Variants in ROBO2 observed in about 807,000 individuals in gnomAD.
ROBO2 encodes roundabout homolog 2.
ROBO2 carries 53 observed loss-of-function variants against 160.8 expected under a neutral mutation model. The ratio of observed to expected loss-of-function variants is 0.33; its 90% confidence interval spans 0.26 to 0.41. The LOEUF is 0.41. Ranked by LOEUF, ROBO2 falls within the 10% of genes least tolerant of loss-of-function variation. The pLI, the probability that ROBO2 is intolerant of heterozygous loss-of-function variation, is 1.00. For synonymous variants in ROBO2, 664 were observed against 611.7 expected (o/e 1.09, Z -1.26); for missense variants, 1,577 against 1,722.4 (o/e 0.92, Z 1.49).
At chr3:76,286,682 G>A (rs1453932461) in intron 2 of ROBO2, among the ~76,000 whole-genome samples, 1 of 152,122 alleles carries the variant, frequency 6.6e-6, no homozygotes, top group Non-Finnish European at 1.5e-5. Context: ...TATGTCTTGG[G>A]TGTTGTTTTG....
intron 2 of ROBO2, among the ~76,000 whole-genome samples, chr3:77,226,662 C>T (rs2086534911): frequency 6.6e-6 from 1 of 152,138 alleles, no homozygotes; most frequent in Admixed American, 6.5e-5. Flanking sequence ...TATTGTAAGT[C>T]AAAAAGGCAT....
intron 1 of ROBO2, chr3:77,092,171 G>T (rs2070382575): frequency 6.6e-6 from 1 of 151,908 alleles, no homozygotes; most frequent in African/African-American, 2.4e-5. Flanking sequence ...AAAAATCCCA[G>T]ATGATTCTGA....
At chr3:77,179,845 T>G (rs1488537210) in intron 2 of ROBO2, among the ~76,000 whole-genome samples, 1 of 152,134 alleles carries the variant, frequency 6.6e-6, no homozygotes, top group Non-Finnish European at 1.5e-5. Context: ...AAACTGTCTC[T>G]TACAAGTTGC....
intron 2 of ROBO2, among the ~76,000 whole-genome samples, chr3:76,964,233 A>G (rs1283815547): frequency 6.6e-6 from 1 of 152,216 alleles, no homozygotes; most frequent in African/African-American, 2.4e-5. Context: ...TGGGATTGGA[A>G]TCACATAGGT....
chr3:76,774,618 G>A (rs148813667), intron 2 of ROBO2, among the ~76,000 whole-genome samples: 1,625 of 150,784 alleles, frequency 0.011, 29 homozygotes, highest in African/African-American at 0.035. Context: ...TCAGTTGGTG[G>A]GGATAAGGAC....
chr3:76,699,882 T>C (rs1576072260), intron 2 of ROBO2, among the ~76,000 whole-genome samples: 1 of 152,248 alleles, frequency 6.6e-6, no homozygotes, highest in East Asian at 1.9e-4. Flanking sequence ...GCCATGGGTT[T>C]CTCTGTAACA....
At chr3:77,106,320 G>A (rs1216646494) in intron 2 of ROBO2, among the ~76,000 whole-genome samples, 1 of 152,158 alleles carries the variant, frequency 6.6e-6, no homozygotes, top group African/African-American at 2.4e-5. Flanking sequence ...TGGGATTACA[G>A]GTGTGAGCCA....
intron 2 of ROBO2, among the ~76,000 whole-genome samples, chr3:76,412,526 T>C (rs1030270436): frequency 6.6e-6 from 1 of 152,170 alleles, no homozygotes; most frequent in Non-Finnish European, 1.5e-5. Flanking sequence ...CTAGGTGCAA[T>C]GGGAGCACAG....
intron 2 of ROBO2, among the ~76,000 whole-genome samples, chr3:76,739,766 G>GT (rs1202513699): frequency 6.6e-6 from 1 of 152,036 alleles, no homozygotes. Context: ...GGAATTTACT[G>GT]TAAAAAAAAG....
At chr3:76,205,366 T>C in intron 2 of ROBO2, among the ~76,000 whole-genome samples, 1 of 152,038 alleles carries the variant, frequency 6.6e-6, no homozygotes, top group Non-Finnish European at 1.5e-5. Flanking sequence ...AAGTACCTTT[T>C]GGAAAAGAGA....
chr3:76,247,196 A>G (rs1038570969), intron 2 of ROBO2, among the ~76,000 whole-genome samples: 2 of 152,136 alleles, frequency 1.3e-5, no homozygotes, highest in African/African-American at 2.4e-5. Context: ...CGTGTGTTCA[A>G]TCTGTTACCA....
intron 2 of ROBO2, among the ~76,000 whole-genome samples, chr3:76,004,800 A>G (rs2065976700): frequency 6.6e-6 from 1 of 152,224 alleles, no homozygotes; most frequent in Non-Finnish European, 1.5e-5. Context: ...AAATGTTTCC[A>G]TTGAAGTGGT....
intron 2 of ROBO2, among the ~76,000 whole-genome samples, chr3:76,021,599 A>C (rs962251994): frequency 6.6e-6 from 1 of 151,882 alleles, no homozygotes; most frequent in African/African-American, 2.4e-5. Flanking sequence ...TGAGTCATAC[A>C]AATTTGTTGG....
At chr3:77,120,840 G>A (rs753296963) in intron 2 of ROBO2, among the ~76,000 whole-genome samples, 5 of 152,168 alleles carry the variant, frequency 3.3e-5, no homozygotes, top group Non-Finnish European at 7.3e-5. Flanking sequence ...TGATTTACAT[G>A]TAGCCAGCTT....
intron 2 of ROBO2, among the ~76,000 whole-genome samples, chr3:76,250,182 G>T (rs1004893150): frequency 3.3e-5 from 5 of 151,986 alleles, no homozygotes; most frequent in Non-Finnish European, 7.4e-5. Flanking sequence ...AAACAGAAAA[G>T]AAATTTTATA....
At chr3:76,454,711 A>G (rs2077661382) in intron 2 of ROBO2, among the ~76,000 whole-genome samples, 1 of 152,170 alleles carries the variant, frequency 6.6e-6, no homozygotes, top group Non-Finnish European at 1.5e-5. Flanking sequence ...CACAGGAAGC[A>G]CATATTAAAT....
At chr3:77,050,945 G>A (rs1305045470) in intron 1 of ROBO2, among the ~76,000 whole-genome samples, 5 of 151,032 alleles carry the variant, frequency 3.3e-5, no homozygotes, top group African/African-American at 4.9e-5. Context: ...TTGTGTCTGC[G>A]AGGTCAAGGC....
intron 2 of ROBO2, among the ~76,000 whole-genome samples, chr3:76,107,189 A>G (rs1283973298): frequency 6.6e-6 from 1 of 152,122 alleles, no homozygotes; most frequent in Non-Finnish European, 1.5e-5. Context: ...AAGTTGAGGT[A>G]GTTATTGTTA....
intron 4 of ROBO2, among the ~76,000 whole-genome samples, chr3:77,486,035 G>T (rs1489360571): frequency 1.3e-5 from 2 of 152,136 alleles, no homozygotes; most frequent in Admixed American, 1.3e-4. Context: ...CGCAGTGTTT[G>T]GTTTTCTGTT....
Sources: gnomAD v4.1 joint callset for allele counts (sites outside exome capture counted in the v4.1 genomes callset) on GRCh38, gnomAD v4.1.1 for gene constraint, MANE v1.5 for transcripts, NCBI Gene and HGNC (gene_info 2026-07-23, HGNC 2026-07-21) for gene names.